Variants in GAS6 observed in about 807,000 individuals in gnomAD.
The protein encoded by GAS6 is growth arrest specific 6, also known as growth arrest-specific protein 6.
Under a neutral mutation model 75.8 loss-of-function variants are expected in GAS6, and 41 were observed. That is an observed-to-expected ratio of 0.54 (90% confidence interval 0.42 to 0.70). The LOEUF is 0.70. GAS6 is among the 30% of genes least tolerant of loss of function. The pLI is 0.00. For synonymous variants in GAS6, 432 were observed against 412.6 expected (o/e 1.05, Z -0.57); for missense variants, 854 against 940.2 (o/e 0.91, Z 1.20).
Position 113,820,812 on chromosome 13 carries a change from C to T in GAS6, c.*52G>A. On this transcript the variant is annotated 3_prime_UTR_variant, in exon 15 of 15. Transcript: ENST00000327773. ...CACGTGGTGAGGAGCCCCCAGGCTC[C>T]TCCCGGCTGTCTCGGACAGAGACTG... is the stretch of plus-strand genomic sequence containing the variant. 6.3e-7 allele frequency: 1 copy of T among 1,578,156 alleles called. No individual in the cohort carries two copies. Among genetic ancestry groups the T allele is most frequent in the Non-Finnish European group, 8.6e-7 (1 of 1,164,616 alleles).
At position 113,832,568 on chromosome 13, in the gene GAS6, C is replaced by T. The variant is rs1027443738; in HGVS notation, c.953+66G>A. ...CCTCCCTGCTGGCCGAACCCTGGCC[C>T]GGGCCCTGTGAAGCCAGTGTCTTGG... is the stretch of plus-strand genomic sequence containing the variant. On this transcript the variant is annotated intron_variant, in intron 9 of 14. Transcript: ENST00000327773. The T allele has an allele frequency of 3.9e-5, 62 of 1,604,122 alleles. 1 individual carries two copies. The South Asian group carries it at 5.2e-4, about 13-fold the overall frequency.
intron 2 of GAS6, among the ~76,000 whole-genome samples, chr13:113,861,810 G>A (rs1001093805): frequency 2.0e-5 from 3 of 152,296 alleles, no homozygotes; most frequent in Admixed American, 6.5e-5. Context: ...AAAACCAGAG[G>A]GAAAGCGGGT....
At position 113,825,234 on chromosome 13, in the gene GAS6, CAAA is replaced by C. The variant is rs71105207; in HGVS notation, c.1478-1687_1478-1685del. Among the ~76,000 whole-genome samples the C allele has an allele frequency of 1.4e-4, 8 of 58,360 alleles. No homozygotes were observed. The South Asian group carries it at 1.8e-3, about 13-fold the overall frequency. The allele number at this position is 58,360 out of a possible 152,430, so 38.3% of individuals were successfully genotyped here. A position where few individuals can be genotyped will look rare whatever the true frequency, so the allele number is the denominator to read the frequency against. ...GGGCAACAAAGGCGAAACTCCGTCTCAAAAAAAAAAAAAAAAAAAAAAAAGGAA... is the reference window on the plus strand; with the variant it reads ...GGGCAACAAAGGCGAAACTCCGTCTCAAAAAAAAAAAAAAAAAAAAAGGAA... On this transcript the variant is annotated intron_variant, in intron 12 of 14. Transcript: ENST00000327773.
At chr13:113,828,412 A>T in intron 11 of GAS6, 135 bp downstream of exon 11, 1 of 805,178 alleles carries the variant, frequency 1.2e-6, no homozygotes, top group African/African-American at 1.8e-5. Context: ...ACTCTAGGAA[A>T]CCTTTCCTTC....
intron 14 of GAS6, chr13:113,821,694 C>T: frequency 4.0e-6 from 2 of 497,860 alleles, no homozygotes; most frequent in South Asian, 6.9e-5. Flanking sequence ...CGAATGCTCC[C>T]TGAAGATGCA....
intron 7 of GAS6, 60 bp downstream of exon 7, chr13:113,835,453 G>A: frequency 6.3e-7 from 1 of 1,584,188 alleles, no homozygotes; most frequent in Admixed American, 1.7e-5. Context: ...GGCAGTGACT[G>A]GCACCCGTGT....
Position 113,834,675 on chromosome 13 carries a change from GC to G in GAS6, c.713-4del. ...GCCCTGCAGACACTCGTCCACATCT[GC>G]CAGCCAGAGGGAAGCGGCGGTGAGC... is the stretch of plus-strand genomic sequence containing the variant. On this transcript the variant is annotated splice_region_variant and splice_polypyrimidine_tract_variant and intron_variant, in intron 7 of 14. Transcript: ENST00000327773. 6.4e-7 allele frequency: 1 copy of G among 1,556,210 alleles called. No individual in the cohort carries two copies. The highest frequency in any genetic ancestry group is 1.2e-5 in the South Asian group (1 of 83,596).
intron 5 of GAS6, 109 bp downstream of exon 5, chr13:113,839,619 C>T (rs1052454398): frequency 2.6e-5 from 37 of 1,436,078 alleles, no homozygotes; most frequent in Admixed American, 6.0e-5. Context: ...TTGGGGCTGT[C>T]GGAGAGCAGC....
chr13:113,851,230 GATGA>G (rs966115487), intron 2 of GAS6, among the ~76,000 whole-genome samples: 7 of 151,844 alleles, frequency 4.6e-5, no homozygotes, highest in Non-Finnish European at 8.8e-5. Context: ...TGGATGGATG[GATGA>G]ATGAATAAAA....
At chr13:113,825,233 T>G (rs1189637332) in intron 12 of GAS6, among the ~76,000 whole-genome samples, 1 of 34,492 alleles carries the variant, frequency 2.9e-5, no homozygotes, top group African/African-American at 2.4e-4. Context: ...AAACTCCGTC[T>G]CAAAAAAAAA....
At chr13:113,828,359 A>G (rs2051581093) in intron 11 of GAS6, among the ~76,000 whole-genome samples, 188 bp downstream of exon 11, 1 of 152,214 alleles carries the variant, frequency 6.6e-6, no homozygotes, top group South Asian at 2.1e-4. Context: ...TCATAAAAAG[A>G]GATGGTAAAA....
At chr13:113,859,457 C>T (rs1164323907) in intron 2 of GAS6, among the ~76,000 whole-genome samples, 2 of 140,568 alleles carry the variant, frequency 1.4e-5, no homozygotes, top group African/African-American at 2.7e-5. Context: ...ACTGTGTGTA[C>T]GTATGTCTAT....
intron 2 of GAS6, among the ~76,000 whole-genome samples, chr13:113,853,813 C>T (rs571080749): frequency 2.6e-4 from 40 of 152,336 alleles, no homozygotes; most frequent in African/African-American, 9.4e-4. Context: ...GAAGAGCCGC[C>T]GTCTTACAGA....
chr13:113,841,693 T>C (rs2030246046), intron 4 of GAS6: 1 of 71,316 alleles, frequency 1.4e-5, no homozygotes, highest in South Asian at 7.3e-4. Context: ...CACCCCACAG[T>C]TTCCTCCATA....
intron 13 of GAS6, 85 bp downstream of exon 13, chr13:113,823,290 G>A: frequency 7.1e-7 from 1 of 1,401,872 alleles, no homozygotes; most frequent in South Asian, 1.4e-5. Context: ...CCCACCGCGG[G>A]CCCCCTTCGT....
intron 14 of GAS6, chr13:113,821,278 C>T (rs754399949): frequency 4.1e-5 from 22 of 535,852 alleles, no homozygotes; most frequent in South Asian, 3.7e-4. Context: ...ATCGGTTAAA[C>T]GTGATCTTCT....
intron 12 of GAS6, 58 bp downstream of exon 12, chr13:113,826,938 C>G: frequency 7.5e-7 from 1 of 1,334,802 alleles, no homozygotes; most frequent in Non-Finnish European, 1.0e-6. Context: ...TTGCTTTCAG[C>G]GTATGCCTGT....
chr13:113,852,327 G>C (rs1417789960), intron 2 of GAS6, among the ~76,000 whole-genome samples: 1 of 152,168 alleles, frequency 6.6e-6, no homozygotes, highest in African/African-American at 2.4e-5. Flanking sequence ...TCGAGGCTGG[G>C]AGCCCCGTCT....
At chr13:113,851,237 G>A (rs998053315) in intron 2 of GAS6, among the ~76,000 whole-genome samples, 4 of 152,168 alleles carry the variant, frequency 2.6e-5, no homozygotes, top group African/African-American at 9.6e-5. Context: ...ATGGATGAAT[G>A]AATAAAACAA....
Sources: allele counts gnomAD v4.1 joint callset (sites outside exome capture counted in the v4.1 genomes callset), GRCh38; gene constraint gnomAD v4.1.1; transcripts MANE v1.5; gene names NCBI Gene and HGNC (gene_info 2026-07-23, HGNC 2026-07-21).